The following TRPM1 variants were observed in gnomAD, a reference collection of about 807,000 sequenced individuals.
The protein encoded by TRPM1 is transient receptor potential cation channel subfamily M member 1, also known as TRPM1-203 APA Isoform, Intron 10.
Under a neutral mutation model 149.4 loss-of-function variants are expected in TRPM1, and 113 were observed. The ratio of observed to expected loss-of-function variants is 0.76; its 90% CI spans 0.65 to 0.88. The LOEUF (loss-of-function observed/expected upper bound fraction) is 0.88, where lower values mean the gene tolerates loss of function less well. Among genes scored for constraint, TRPM1 ranks in the 40% least tolerant of loss-of-function variants. The probability of loss-of-function intolerance (pLI) is 0.00; values close to 1 mark genes in which losing one functional copy is unlikely to be tolerated. For missense variants in TRPM1, 1,976 were observed against 2,038.7 expected, an observed-to-expected ratio of 0.97 and a Z score of 0.59; for synonymous variants, 741 against 759.5, an observed-to-expected ratio of 0.98 and a Z score of 0.40.
chr15:31,003,848 G>C (rs988178728), intron 27 of TRPM1, among the ~76,000 whole-genome samples: 1 of 150,630 alleles, frequency 6.6e-6, no homozygotes, highest in Non-Finnish European at 1.5e-5. Context: ...ATAAATGCCT[G>C]CTATTAGTTT....
chr15:31,099,079 C>A (rs149671533), intron 1 of TRPM1, among the ~76,000 whole-genome samples: 2 of 152,128 alleles, frequency 1.3e-5, no homozygotes, highest in Non-Finnish European at 1.5e-5. Flanking sequence ...TTGCTCCTGG[C>A]GCGATGGGCA....
chr15:31,048,040 A>G lies in TRPM1; in HGVS notation c.1573-101T>C. ...CACTTTGGGAGGCCAAGGCAGGCAG[A>G]TCACTTGAGGTCAGTAGTTTGAGGC... On this transcript the variant is annotated intron_variant, in intron 13 of 27. Coordinates refer to ENST00000256552, the MANE Select transcript of TRPM1 (RefSeq NM_001252024.2). 2.1e-5 allele frequency: 20 copies of G among 960,804 alleles called. No individual in the cohort carries two copies. In the South Asian group the frequency reaches 2.6e-4, roughly 12 times the overall value. 59.5% of individuals were successfully genotyped at this position (960,804 alleles called of 1,614,324 possible). A position where few individuals can be genotyped will look rare whatever the true frequency, so the allele number is the denominator to read the frequency against.
In TRPM1 at chr15:31,037,827, C is replaced by A. The variant is rs775919296; in HGVS notation, c.2455G>T (p.Ala819Ser). 3 of 1,614,050 alleles carry A rather than the reference C, an allele frequency of 1.9e-6. No individual in the cohort carries two copies. The African/African-American group carries it at 4.0e-5, about 22-fold the overall frequency. ...EEENTDANAD[A>S]GSRKGDEENE... is the part of the protein sequence containing the mutation. ...TCCTCATCCCCCTTTCTTGAGCCAG[C>A]ATCTGCATTTGCATCCTGGAAAACA... Residue 819 changes from alanine (A) to serine (S), a missense_variant, in exon 20 of 28, where the codon GCT (alanine) becomes TCT (serine). Ala to Ser is a moderately conservative substitution (Grantham distance 99). This residue lies in a region of TRPM1 where 1,332 missense variants were observed against 1,347.1 expected (regional missense o/e 0.99). Transcript: ENST00000256552.
chr15:31,008,456 AG>A (rs1316013695), intron 27 of TRPM1, among the ~76,000 whole-genome samples: 3 of 152,228 alleles, frequency 2.0e-5, no homozygotes, highest in Non-Finnish European at 4.4e-5. Context: ...AGAAACATAT[AG>A]GGTTTTTTCC....
At chr15:31,045,380 A>G (rs949497750) in intron 16 of TRPM1, among the ~76,000 whole-genome samples, 1 of 152,186 alleles carries the variant, frequency 6.6e-6, no homozygotes, top group Non-Finnish European at 1.5e-5. Context: ...CTTTTGTCCT[A>G]TTGTGAGGGA....
intron 1 of TRPM1, among the ~76,000 whole-genome samples, chr15:31,089,952 GGT>G (rs968716258): frequency 1.3e-5 from 2 of 152,110 alleles, no homozygotes; most frequent in Non-Finnish European, 2.9e-5. Flanking sequence ...AAGTGACTAC[GGT>G]GTGTGTGTGT....
At chr15:31,011,031 C>T (rs920185869) in intron 27 of TRPM1, among the ~76,000 whole-genome samples, 2 of 152,064 alleles carry the variant, frequency 1.3e-5, no homozygotes. Context: ...TCTATCATGT[C>T]CTTCTTTGTC....
intron 11 of TRPM1, among the ~76,000 whole-genome samples, chr15:31,056,025 G>C (rs962070842): frequency 6.6e-6 from 1 of 152,138 alleles, no homozygotes; most frequent in Non-Finnish European, 1.5e-5. Context: ...AAATAAAATT[G>C]TTAAGGAACA....
rs560844234 is a variant in TRPM1, at chr15:31,149,668, C to A, written c.54+11238G>T. Among the ~76,000 whole-genome samples the A allele has an allele frequency of 8.5e-5, 13 of 152,216 alleles. 1 individual carries two copies. The South Asian group carries it at 2.7e-3, about 32-fold the overall frequency. On this transcript the variant is annotated intron_variant, in intron 1 of 26. Coordinates refer to the TRPM1 transcript ENST00000542188. The stretch of plus-strand genomic sequence containing the variant: ...CCGAGTAGCTGGGACTACAAGCACC[C>A]GCCACCGCGCCTGGCTAATTTTTTG...
intron 25 of TRPM1, 93 bp from the exon 26 acceptor site, chr15:31,027,210 C>G: frequency 2.0e-5 from 24 of 1,212,140 alleles, no homozygotes; most frequent in Non-Finnish European, 2.8e-5. Flanking sequence ...AGTGAAAATA[C>G]TCAATGAGAT....
intron 1 of TRPM1, among the ~76,000 whole-genome samples, chr15:31,153,451 A>T (rs925336927): frequency 3.3e-5 from 5 of 152,022 alleles, no homozygotes; most frequent in African/African-American, 1.2e-4. Flanking sequence ...CACCCTCTTG[A>T]GTAGTGGGGA....
At chr15:31,112,048 G>A (rs2035696886) in intron 1 of TRPM1, among the ~76,000 whole-genome samples, 1 of 152,210 alleles carries the variant, frequency 6.6e-6, no homozygotes, top group South Asian at 2.1e-4. Context: ...CTGAAACACA[G>A]GCCAAGGCAA....
At chr15:31,145,493 A>C (rs1001056619) in intron 1 of TRPM1, among the ~76,000 whole-genome samples, 7 of 152,248 alleles carry the variant, frequency 4.6e-5, no homozygotes, top group Non-Finnish European at 1.0e-4. Context: ...TACAGGACCT[A>C]ACAAATCCTC....
At chr15:31,021,441 A>T (rs2032546761) in intron 27 of TRPM1, among the ~76,000 whole-genome samples, 1 of 152,222 alleles carries the variant, frequency 6.6e-6, no homozygotes, top group Non-Finnish European at 1.5e-5. Flanking sequence ...CATGCCTGTA[A>T]TCCCAGCACT....
chr15:31,161,127 C>T lies in TRPM1; in HGVS notation c.-168G>A, dbSNP rs571114207. The T allele has an allele frequency of 4.7e-3, 3,052 of 653,020 alleles. 12 individuals are homozygous for T. The highest frequency in any genetic ancestry group is 7.4e-3 in the East Asian group (267 of 36,264). The allele number at this position is 653,020 out of a possible 1,614,324, so 40.5% of individuals were successfully genotyped here. The stretch of plus-strand genomic sequence containing the variant: ...GGGCGAGGGGGCCGAGATCCTGGGG[C>T]GAGGCCGGCCGGAGGCTGGTTCAGC... On this transcript the variant is annotated 5_prime_UTR_variant, in exon 1 of 27. Coordinates refer to the TRPM1 transcript ENST00000542188.
intron 20 of TRPM1, among the ~76,000 whole-genome samples, chr15:31,036,874 C>T (rs1289741665): frequency 1.3e-5 from 2 of 152,252 alleles, no homozygotes; most frequent in Non-Finnish European, 2.9e-5. Flanking sequence ...CTGCCCCCAG[C>T]CCACCCTCAT....
intron 1 of TRPM1, among the ~76,000 whole-genome samples, chr15:31,095,842 G>A (rs960476793): frequency 4.6e-5 from 7 of 151,740 alleles, no homozygotes; most frequent in African/African-American, 1.2e-4. Context: ...TCAGGAGTTC[G>A]AGACCAGCCT....
chr15:31,109,911 G>GAGGGCAGGTGT (rs1226385468), intron 1 of TRPM1, among the ~76,000 whole-genome samples: 3 of 152,184 alleles, frequency 2.0e-5, no homozygotes, highest in Non-Finnish European at 2.9e-5. Flanking sequence ...GCTGGGGACA[G>GAGGGCAGGTGT]AGGGCAGGTG....
At chr15:31,080,837 C>T (rs2034839063) in intron 2 of TRPM1, among the ~76,000 whole-genome samples, 1 of 151,716 alleles carries the variant, frequency 6.6e-6, no homozygotes. Flanking sequence ...GTCCAGGAAA[C>T]CTGTGCCAGC....
Sources: allele counts gnomAD v4.1 joint callset (sites outside exome capture counted in the v4.1 genomes callset), GRCh38; gene constraint gnomAD v4.1.1; regional missense constraint gnomAD v4.1.1; transcripts MANE v1.5; gene names NCBI Gene and HGNC (gene_info 2026-07-23, HGNC 2026-07-21).